The following HEMK2 variants were observed in gnomAD, a reference collection of about 807,000 sequenced individuals.
HEMK2 encodes the protein HemK methyltransferase 2, ETF1 glutamine and histone H4 lysine.
At chr21:28,883,012 G>A in the HEMK2 span, 1 of 1,605,314 alleles carries the variant, frequency 6.2e-7, no homozygotes, top group Non-Finnish European at 8.5e-7. Flanking sequence ...GCCTATCATA[G>A]AGGCTAGGAA....
the HEMK2 span, among the ~76,000 whole-genome samples, chr21:28,644,959 C>T: frequency 1.4e-4 from 21 of 152,054 alleles, no homozygotes; most frequent in Non-Finnish European, 2.8e-4. Context: ...GCCACAGATT[C>T]GAAGGTTTTT....
chr21:28,577,862 A>AT, the HEMK2 span, among the ~76,000 whole-genome samples: 13 of 152,168 alleles, frequency 8.5e-5, no homozygotes, highest in African/African-American at 2.9e-4. Context: ...CAGTCCATTT[A>AT]TTTCTATTTC....
At chr21:28,878,394 A>T in the HEMK2 span, 4 of 1,585,490 alleles carry the variant, frequency 2.5e-6, no homozygotes, top group Non-Finnish European at 3.5e-6. Flanking sequence ...TCACAAACTG[A>T]ATCTTTTTGA....
the HEMK2 span, chr21:28,883,180 T>G: frequency 2.6e-5 from 15 of 581,976 alleles, no homozygotes; most frequent in Middle Eastern, 4.8e-4. Flanking sequence ...GCATCATCAC[T>G]CACCTGCAAA....
chr21:28,811,969 G>A, the HEMK2 span, among the ~76,000 whole-genome samples: 1 of 152,292 alleles, frequency 6.6e-6, no homozygotes, highest in South Asian at 2.1e-4. Flanking sequence ...TTTTAACAAT[G>A]TGGTTCATCA....
the HEMK2 span, among the ~76,000 whole-genome samples, chr21:28,774,639 T>C: frequency 6.6e-6 from 1 of 152,190 alleles, no homozygotes; most frequent in Non-Finnish European, 1.5e-5. Context: ...CAGACTTCCC[T>C]TGAAATATTG....
At chr21:28,624,405 T>G in the HEMK2 span, among the ~76,000 whole-genome samples, 2 of 152,208 alleles carry the variant, frequency 1.3e-5, no homozygotes, top group African/African-American at 4.8e-5. Context: ...ACATACGAAG[T>G]GACATTCTTC....
the HEMK2 span, chr21:28,674,610 G>A: frequency 6.6e-6 from 1 of 152,156 alleles, no homozygotes; most frequent in Non-Finnish European, 1.5e-5. Context: ...ATTTTTTCTG[G>A]TTTTAGTTCT....
the HEMK2 span, among the ~76,000 whole-genome samples, chr21:28,783,433 C>G: frequency 5.3e-5 from 8 of 152,228 alleles, no homozygotes; most frequent in South Asian, 1.2e-3. Flanking sequence ...GATCTGCCCA[C>G]CTCGGCCTCC....
chr21:28,771,222 T>C, the HEMK2 span, among the ~76,000 whole-genome samples: 1 of 152,204 alleles, frequency 6.6e-6, no homozygotes, highest in South Asian at 2.1e-4. Context: ...CTGTGCTCTG[T>C]GAACAGGACT....
At chr21:28,736,016 T>C in the HEMK2 span, among the ~76,000 whole-genome samples, 273 of 152,236 alleles carry the variant, frequency 1.8e-3, 1 homozygote, top group African/African-American at 6.3e-3. Context: ...CAAATTTAAA[T>C]GGTGGGAAAA....
At chr21:28,759,791 T>C in the HEMK2 span, among the ~76,000 whole-genome samples, 3 of 152,188 alleles carry the variant, frequency 2.0e-5, no homozygotes, top group South Asian at 2.1e-4. Context: ...TCTGCCACCA[T>C]GTAGGACATG....
chr21:28,827,950 C>A, the HEMK2 span, among the ~76,000 whole-genome samples: 4 of 152,074 alleles, frequency 2.6e-5, no homozygotes, highest in Admixed American at 2.0e-4. Context: ...CCATAGTTCT[C>A]TGAGGGGTAT....
chr21:28,835,624 C>A, the HEMK2 span, among the ~76,000 whole-genome samples: 1 of 151,982 alleles, frequency 6.6e-6, no homozygotes, highest in Admixed American at 6.6e-5. Context: ...AGCAATGGAT[C>A]CAAACCAAGA....
the HEMK2 span, among the ~76,000 whole-genome samples, chr21:28,625,136 C>G: frequency 2.0e-5 from 3 of 152,156 alleles, no homozygotes; most frequent in Non-Finnish European, 2.9e-5. Flanking sequence ...TCACTGAGCT[C>G]TGCCCATAGG....
At chr21:28,858,238 C>T in the HEMK2 span, among the ~76,000 whole-genome samples, 8 of 152,164 alleles carry the variant, frequency 5.3e-5, no homozygotes, top group Non-Finnish European at 7.3e-5. Context: ...AACTATGTCC[C>T]TAACCACTCT....
the HEMK2 span, among the ~76,000 whole-genome samples, chr21:28,884,167 T>A: frequency 1.8e-4 from 27 of 152,348 alleles, 1 homozygote; most frequent in South Asian, 5.2e-3. Flanking sequence ...CAAGACTTTA[T>A]AACAAAATCA....
the HEMK2 span, among the ~76,000 whole-genome samples, chr21:28,812,021 C>T: frequency 6.6e-6 from 1 of 152,060 alleles, no homozygotes; most frequent in Non-Finnish European, 1.5e-5. Context: ...GTTATGGATC[C>T]ACGTGACTAT....
chr21:28,637,451 A>AT, the HEMK2 span, among the ~76,000 whole-genome samples: 1 of 148,230 alleles, frequency 6.7e-6, no homozygotes, highest in Non-Finnish European at 1.5e-5. Flanking sequence ...TGTAACAGAA[A>AT]TTAAAAAAAA....
Sources: allele counts gnomAD v4.1 joint callset (sites outside exome capture counted in the v4.1 genomes callset), GRCh38; gene constraint gnomAD v4.1.1; transcripts MANE v1.5; gene names NCBI Gene and HGNC (gene_info 2026-07-23, HGNC 2026-07-21).